SLC25A12: variants seen among roughly 807,000 people sequenced by gnomAD.
The protein encoded by SLC25A12 is electrogenic aspartate/glutamate antiporter SLC25A12, mitochondrial.
A neutral mutation model predicts 83.3 loss-of-function variants in SLC25A12; 32 were observed. The observed-to-expected ratio is 0.38, with a 90% CI of 0.29 to 0.52. SLC25A12 has a LOEUF of 0.52. Among genes scored for constraint, SLC25A12 ranks in the 20% least tolerant of loss-of-function variants. The pLI, the probability that SLC25A12 is intolerant of heterozygous loss-of-function variation, is 0.84. For missense variants in SLC25A12, 611 were observed against 835.6 expected (o/e 0.73, Z 3.31); for synonymous variants, 267 against 291.1 (o/e 0.92, Z 0.84).
At chr2:171,875,859 G>A (rs1685555249) in intron 2 of SLC25A12, among the ~76,000 whole-genome samples, 1 of 128,016 alleles carries the variant, frequency 7.8e-6, no homozygotes, top group African/African-American at 3.0e-5. Flanking sequence ...CTTGCAGTGA[G>A]CCAAGATTGC....
chr2:171,875,910 C>CAAAAAAAAAAAAAAAAAA (rs34276775), intron 2 of SLC25A12, among the ~76,000 whole-genome samples: 1 of 99,002 alleles, frequency 1.0e-5, no homozygotes, highest in Non-Finnish European at 1.9e-5. Flanking sequence ...GACTCTGTCT[C>CAAAAAAAAAAAAAAAAAA]AAAAAAAAAA....
At chr2:171,892,427 G>A (rs1044952150) in intron 2 of SLC25A12, among the ~76,000 whole-genome samples, 1 of 151,880 alleles carries the variant, frequency 6.6e-6, no homozygotes, top group Non-Finnish European at 1.5e-5. Flanking sequence ...GGGTTTCACC[G>A]TGTTAGCCAG....
chr2:171,871,422 A>G (rs1277957649), intron 2 of SLC25A12, among the ~76,000 whole-genome samples: 1 of 152,156 alleles, frequency 6.6e-6, no homozygotes, highest in Non-Finnish European at 1.5e-5. Flanking sequence ...AAAATTATCC[A>G]AGCATGGTGG....
chr2:171,812,375 T>C (rs1353901242), intron 11 of SLC25A12, among the ~76,000 whole-genome samples: 1 of 152,112 alleles, frequency 6.6e-6, no homozygotes, highest in Non-Finnish European at 1.5e-5. Flanking sequence ...CTAAGCCAAA[T>C]AGTTCAACAG....
At chr2:171,787,999 G>A in intron 15 of SLC25A12, 52 bp from the exon 16 acceptor site, 1 of 1,579,448 alleles carries the variant, frequency 6.3e-7, no homozygotes, top group Non-Finnish European at 8.7e-7. Context: ...ATAAAAGATA[G>A]GAATACTGCT....
intron 4 of SLC25A12, among the ~76,000 whole-genome samples, chr2:171,845,544 A>C (rs1684778093): frequency 6.6e-6 from 1 of 152,196 alleles, no homozygotes; most frequent in Non-Finnish European, 1.5e-5. Flanking sequence ...ACACATTTAA[A>C]GTTTTATAAT....
rs183915901 is a variant in SLC25A12, at chr2:171,820,235, A to G, written c.931-5033T>C. On this transcript the variant is annotated intron_variant, in intron 9 of 17. Coordinates refer to ENST00000422440, the MANE Select transcript of SLC25A12 (RefSeq NM_003705.5). ...CCCAAACTTAAAAGTTAAAATAATAATTCTTAATAATTCTAATGATGTTTT... is the reference window on the plus strand; with the variant it reads ...CCCAAACTTAAAAGTTAAAATAATAGTTCTTAATAATTCTAATGATGTTTT... Among the ~76,000 whole-genome samples, 489 of 152,220 alleles carry G rather than the reference A, an allele frequency of 3.2e-3. 1 individual carries two copies. The highest frequency in any genetic ancestry group is 0.011 in the African/African-American group (454 of 41,566).
At chr2:171,828,954 T>C (rs1684374981) in intron 8 of SLC25A12, among the ~76,000 whole-genome samples, 2 of 152,238 alleles carry the variant, frequency 1.3e-5, no homozygotes, top group African/African-American at 4.8e-5. Context: ...GGGACACCCC[T>C]GAGGACCCCA....
intron 4 of SLC25A12, 39 bp downstream of exon 4, chr2:171,855,795 A>G: frequency 2.7e-6 from 3 of 1,122,156 alleles, no homozygotes; most frequent in Admixed American, 3.4e-5. Context: ...CTGGACCAGC[A>G]TCATTAACTT....
chr2:171,816,918 ATGTGAT>A (rs1684060329), intron 9 of SLC25A12, among the ~76,000 whole-genome samples: 2 of 152,258 alleles, frequency 1.3e-5, no homozygotes, highest in African/African-American at 4.8e-5. Flanking sequence ...CTACTGCCCA[ATGTGAT>A]TGTATGTGAT....
rs115777316 is a variant in SLC25A12 at position 171,831,093 on chromosome 2, G to T, written c.845+2870C>A. Among the ~76,000 whole-genome samples the T allele has an allele frequency of 5.8e-3, 877 of 152,330 alleles. 7 individuals carry two copies. Among genetic ancestry groups the T allele is most frequent in the African/African-American group, 0.018 (743 of 41,566 alleles). On this transcript the variant is annotated intron_variant, in intron 8 of 17. Transcript: ENST00000422440. ...ATGTGAACGTGAATTTTTAAACTGC[G>T]TTGTGCCTCAGTTTATCCATCTTTA...
Position 171,834,677 on chromosome 2 carries a change from GA to G in SLC25A12, c.751+49del, listed in dbSNP as rs1483049998. ...TAGATCAACATCATGCCTCAGTGAAGAAAAGTGAAAATGCTGAGATTCTTAT... is the reference window on the plus strand; with the variant it reads ...TAGATCAACATCATGCCTCAGTGAAGAAAGTGAAAATGCTGAGATTCTTAT... On this transcript the variant is annotated intron_variant, in intron 7 of 17. Transcript: ENST00000422440. The G allele has an allele frequency of 1.9e-6, 3 of 1,594,036 alleles. No individual in the cohort carries two copies. The African/African-American group carries it at 4.0e-5, about 21-fold the overall frequency.
intron 4 of SLC25A12, chr2:171,852,540 A>G: frequency 3.0e-6 from 1 of 330,250 alleles, no homozygotes; most frequent in South Asian, 2.6e-5. Context: ...AGAAAACAGA[A>G]GGCCATTTGG....
intron 2 of SLC25A12, among the ~76,000 whole-genome samples, chr2:171,881,142 C>T (rs377491315): frequency 6.6e-6 from 1 of 151,844 alleles, no homozygotes; most frequent in African/African-American, 2.4e-5. Flanking sequence ...CCCATATTTT[C>T]TTTTTTTGTT....
intron 3 of SLC25A12, among the ~76,000 whole-genome samples, chr2:171,866,088 T>C: frequency 5.5e-5 from 7 of 127,828 alleles, no homozygotes; most frequent in Non-Finnish European, 8.2e-5. Context: ...ACAAAGCACA[T>C]CTTGCACCGC....
At chr2:171,854,380 A>T (rs1685001712) in intron 4 of SLC25A12, among the ~76,000 whole-genome samples, 1 of 152,152 alleles carries the variant, frequency 6.6e-6, no homozygotes, top group Admixed American at 6.5e-5. Flanking sequence ...CAGCCTGGCC[A>T]ACATGGTAAA....
At chr2:171,879,291 G>A (rs547475598) in intron 2 of SLC25A12, among the ~76,000 whole-genome samples, 112 of 151,978 alleles carry the variant, frequency 7.4e-4, no homozygotes, top group Non-Finnish European at 1.2e-3. Flanking sequence ...ACCTTTTACT[G>A]ATTTTGCTAA....
chr2:171,868,377 G>C (rs1053049944), intron 3 of SLC25A12, among the ~76,000 whole-genome samples: 2 of 141,952 alleles, frequency 1.4e-5, no homozygotes, highest in African/African-American at 2.6e-5. Context: ...GCAGCAGCTC[G>C]ATCTCGGCGC....
chr2:171,875,716 A>G (rs1685550447), intron 2 of SLC25A12, among the ~76,000 whole-genome samples: 1 of 151,956 alleles, frequency 6.6e-6, no homozygotes, highest in African/African-American at 2.4e-5. Flanking sequence ...GATCGAGACC[A>G]TCCTGGCTAA....
Sources: gnomAD v4.1 joint callset for allele counts (sites outside exome capture counted in the v4.1 genomes callset) on GRCh38, gnomAD v4.1.1 for gene constraint, MANE v1.5 for transcripts, NCBI Gene and HGNC (gene_info 2026-07-23, HGNC 2026-07-21) for gene names.